EFR3B: variants seen among roughly 807,000 people sequenced by gnomAD.
EFR3B encodes protein EFR3 homolog B.
EFR3B carries 64 observed loss-of-function variants against 104.7 expected under a neutral mutation model. That is an observed-to-expected ratio of 0.61 (90% confidence interval 0.50 to 0.75). The LOEUF (loss-of-function observed/expected upper bound fraction) is 0.75. Among genes scored for constraint, EFR3B ranks in the 30% least tolerant of loss-of-function variants. EFR3B has a pLI of 0.00. For missense variants in EFR3B, 750 were observed against 1,078.5 expected, an observed-to-expected ratio of 0.70 and a Z score of 4.27; for synonymous variants, 385 against 417.9, an observed-to-expected ratio of 0.92 and a Z score of 0.96.
chr2:25,145,321 C>T, intron 19 of EFR3B: 1 of 520,664 alleles, frequency 1.9e-6, no homozygotes, highest in Non-Finnish European at 3.4e-6. Flanking sequence ...CCTGTGATCC[C>T]AACATTTTGG....
At chr2:25,050,769 G>C (rs2149163821) in intron 1 of EFR3B, among the ~76,000 whole-genome samples, 1 of 152,280 alleles carries the variant, frequency 6.6e-6, no homozygotes, top group Admixed American at 6.5e-5. Flanking sequence ...AATTAAGAGG[G>C]GGAAAGTCAT....
intron 1 of EFR3B, among the ~76,000 whole-genome samples, chr2:25,077,855 G>A (rs1446269573): frequency 6.6e-6 from 1 of 152,124 alleles, no homozygotes. Context: ...AGGAAAAGGG[G>A]AAAAGAAAAG....
At chr2:25,142,705 G>A (rs1419774574) in intron 17 of EFR3B, among the ~76,000 whole-genome samples, 1 of 151,750 alleles carries the variant, frequency 6.6e-6, no homozygotes, top group Non-Finnish European at 1.5e-5. Flanking sequence ...GTTGCAGTGA[G>A]CTGAGATCAT....
intron 1 of EFR3B, among the ~76,000 whole-genome samples, chr2:25,060,927 C>T (rs1345744055): frequency 3.9e-5 from 1 of 25,734 alleles, no homozygotes; most frequent in African/African-American, 1.7e-4. Flanking sequence ...AATCAAAAAA[C>T]AAACAAACAA....
intron 5 of EFR3B, among the ~76,000 whole-genome samples, chr2:25,127,704 C>T (rs904615754): frequency 2.0e-5 from 3 of 152,158 alleles, no homozygotes; most frequent in African/African-American, 7.2e-5. Context: ...CTCAGTTTCC[C>T]CTCTGGTTAA....
At position 25,136,787 on chromosome 2, in the gene EFR3B, G is replaced by C. The variant is rs1349980402; in HGVS notation, c.1560+189G>C. On this transcript the variant is annotated intron_variant, in intron 14 of 22. Transcript: ENST00000403714. This position sits in a 1 kb window ranked among gnomAD's most constrained non-coding sequence, Gnocchi z 4.0. ...AAAAATTAACCGGGCATGGTGGTGGGCACCTGCAATCCCAGCTACTCGGGA... is the reference window on the plus strand; with the variant it reads ...AAAAATTAACCGGGCATGGTGGTGGCCACCTGCAATCCCAGCTACTCGGGA... Among the ~76,000 whole-genome samples, 3 of 152,064 alleles carry C rather than the reference G, an allele frequency of 2.0e-5. No individual in the cohort carries two copies. The highest frequency in any genetic ancestry group is 7.2e-5 in the African/African-American group (3 of 41,402).
chr2:25,042,567 G>A lies in EFR3B; in HGVS notation c.7+248G>A, dbSNP rs992961078. The A allele has an allele frequency of 3.3e-6, 4 of 1,202,366 alleles. No individual in the cohort carries two copies. In the African/African-American group the frequency reaches 4.7e-5, roughly 14 times the overall value. The allele number at this position is 1,202,366 out of a possible 1,614,324, so 74.5% of individuals were successfully genotyped here. ...CGGTGCTGGGCGGTGGTCCTTCGGG[G>A]GGCGGAGGCTCAGGGGAAAGCGGGT... On this transcript the variant is annotated intron_variant, in intron 1 of 22. Transcript: ENST00000403714. This position sits in a 1 kb window ranked among gnomAD's most constrained non-coding sequence, Gnocchi z 5.4.
intron 1 of EFR3B, among the ~76,000 whole-genome samples, chr2:25,061,081 T>C (rs1668180012): frequency 6.6e-6 from 1 of 151,648 alleles, no homozygotes; most frequent in Admixed American, 6.6e-5. Context: ...ATTTCAATGT[T>C]GGCTCCAACT....
chr2:25,100,851 A>G (rs1345035549), intron 3 of EFR3B, among the ~76,000 whole-genome samples: 1 of 152,178 alleles, frequency 6.6e-6, no homozygotes, highest in Non-Finnish European at 1.5e-5. Context: ...TTGACATTAC[A>G]AGTAGAAGGA....
At chr2:25,095,092 C>T (rs948883462) in intron 3 of EFR3B, among the ~76,000 whole-genome samples, 1 of 152,036 alleles carries the variant, frequency 6.6e-6, no homozygotes, top group African/African-American at 2.4e-5. Flanking sequence ...CGCCAGGCCC[C>T]AAGGAATCAA....
chr2:25,068,601 A>C (rs994077012), intron 1 of EFR3B, among the ~76,000 whole-genome samples: 1 of 151,270 alleles, frequency 6.6e-6, no homozygotes, highest in Non-Finnish European at 1.5e-5. Context: ...TCACCGTATG[A>C]TCTGTGCTGG....
chr2:25,081,380 TAC>T, intron 1 of EFR3B: 1 of 1,047,568 alleles, frequency 9.5e-7, no homozygotes, highest in Non-Finnish European at 1.5e-6. Context: ...TACTCATAGT[TAC>T]AGTTTATCCT....
rs1667611873 is a variant in EFR3B at position 25,042,882 on chromosome 2, G to T, written c.7+563G>T. On this transcript the variant is annotated intron_variant, in intron 1 of 22. Transcript: ENST00000403714. The surrounding 1 kb of genome is among the most constrained non-coding windows in gnomAD (Gnocchi z 5.4). ...CGGGATCCAGGTTCACCAACTTCCAGATTTTCCCTCCGCAGTGATGAAGGG... is the reference window on the plus strand; with the variant it reads ...CGGGATCCAGGTTCACCAACTTCCATATTTTCCCTCCGCAGTGATGAAGGG... Among the ~76,000 whole-genome samples the T allele has an allele frequency of 6.6e-6, 1 of 152,138 alleles. No individual in the cohort carries two copies. The highest frequency in any genetic ancestry group is 1.9e-4 in the East Asian group (1 of 5,168).
chr2:25,121,478 A>G (rs541088897), intron 4 of EFR3B, among the ~76,000 whole-genome samples, 195 bp from the exon 5 acceptor site: 15 of 152,194 alleles, frequency 9.9e-5, no homozygotes, highest in African/African-American at 3.1e-4. Context: ...CATGGTTTCC[A>G]ATCTTATTGT....
intron 1 of EFR3B, among the ~76,000 whole-genome samples, chr2:25,051,038 C>G (rs574944751): frequency 6.6e-6 from 1 of 152,234 alleles, no homozygotes; most frequent in South Asian, 2.1e-4. Context: ...TGCCACTGGC[C>G]CTGCTCTCAG....
At chr2:25,048,624 A>G (rs1339994292) in intron 1 of EFR3B, among the ~76,000 whole-genome samples, 2 of 152,100 alleles carry the variant, frequency 1.3e-5, no homozygotes, top group East Asian at 3.9e-4. Context: ...CGAGGGCACG[A>G]GCTGTTCCAG....
At position 25,124,269 on chromosome 2, in the gene EFR3B, T is replaced by C. The variant is rs1395081722; in HGVS notation, c.485+2475T>C. ...ACCCTTGGGTCCAGCAGTGGGCCTG[T>C]GCATGCAAGTGTGTGTGTGTGTGTG... On this transcript the variant is annotated intron_variant, in intron 5 of 22. Transcript: ENST00000403714. Among the ~76,000 whole-genome samples the C allele has an allele frequency of 3.5e-5, 5 of 144,412 alleles. No individual in the cohort carries two copies. In the Admixed American group the frequency reaches 3.7e-4, roughly 11 times the overall value. The allele number at this position is 144,412 out of a possible 152,430, so 94.7% of individuals were successfully genotyped here. A position where few individuals can be genotyped will look rare whatever the true frequency, so the allele number is the denominator to read the frequency against.
intron 1 of EFR3B, among the ~76,000 whole-genome samples, chr2:25,088,309 GT>G (rs1327189385): frequency 6.6e-6 from 1 of 152,170 alleles, no homozygotes; most frequent in Non-Finnish European, 1.5e-5. Context: ...AGGAATGCAG[GT>G]TGAGGTCAAG....
chr2:25,064,957 C>T (rs1668291220), intron 1 of EFR3B, among the ~76,000 whole-genome samples: 2 of 152,278 alleles, frequency 1.3e-5, no homozygotes, highest in South Asian at 2.1e-4. Context: ...TCTAAGGACA[C>T]AACTGAAGCC....
Sources: gnomAD v4.1 joint callset for allele counts (sites outside exome capture counted in the v4.1 genomes callset) on GRCh38, gnomAD v4.1.1 for gene constraint, Gnocchi (gnomAD v3.1) non-coding constraint, MANE v1.5 for transcripts, NCBI Gene and HGNC (gene_info 2026-07-23, HGNC 2026-07-21) for gene names.